DCDC1: variants seen among roughly 807,000 people sequenced by gnomAD.
DCDC1 encodes doublecortin domain containing 1, also known as doublecortin domain-containing protein 1.
In DCDC1, 200 loss-of-function variants were observed where a neutral mutation model predicts 178.3. The ratio of observed to expected loss-of-function variants is 1.12; its 90% confidence interval spans 1.00 to 1.26. The LOEUF (loss-of-function observed/expected upper bound fraction) is 1.26, where lower values mean the gene tolerates loss of function less well. Among genes scored for constraint, DCDC1 ranks in the 50% most tolerant of loss-of-function variants. The pLI is 0.00. For missense variants in DCDC1, 1,983 were observed against 1,749.2 expected (o/e 1.13, Z -2.38); for synonymous variants, 690 against 604.8 (o/e 1.14, Z -2.07).
intron 9 of DCDC1, among the ~76,000 whole-genome samples, chr11:31,173,769 C>CACAT (rs1555100753): frequency 0.3 from 45,465 of 151,522 alleles, 8,230 homozygotes; most frequent in East Asian, 0.63. Context: ...AACACACACA[C>CACAT]ACCCCCACAT....
intron 15 of DCDC1, among the ~76,000 whole-genome samples, chr11:31,097,868 T>C (rs1484058410): frequency 4.6e-5 from 7 of 152,222 alleles, no homozygotes; most frequent in African/African-American, 1.7e-4. Context: ...TTTCCCAGCC[T>C]CCTTTATGAC....
chr11:31,252,934 G>C (rs1413482864), intron 8 of DCDC1, among the ~76,000 whole-genome samples: 1 of 151,986 alleles, frequency 6.6e-6, no homozygotes, highest in African/African-American at 2.4e-5. Context: ...GATCACCAAA[G>C]GCCCTTCTGA....
At chr11:31,008,435 G>A (rs1418315776) in intron 20 of DCDC1, among the ~76,000 whole-genome samples, 2 of 152,108 alleles carry the variant, frequency 1.3e-5, no homozygotes, top group African/African-American at 4.8e-5. Context: ...GGAAAAGAGG[G>A]ATGGAGCAAG....
At chr11:31,194,203 G>C (rs1041253527) in intron 9 of DCDC1, among the ~76,000 whole-genome samples, 5 of 152,050 alleles carry the variant, frequency 3.3e-5, no homozygotes, top group African/African-American at 4.8e-5. Flanking sequence ...CTGATTCAGT[G>C]TTTAATGTCG....
intron 9 of DCDC1, among the ~76,000 whole-genome samples, chr11:31,220,001 T>C (rs891517414): frequency 6.6e-6 from 1 of 152,122 alleles, no homozygotes; most frequent in African/African-American, 2.4e-5. Context: ...CAGTACAGGA[T>C]ACTGGATTGG....
intron 9 of DCDC1, among the ~76,000 whole-genome samples, chr11:31,233,100 AAG>A (rs1178630798): frequency 6.6e-6 from 1 of 151,976 alleles, no homozygotes; most frequent in Non-Finnish European, 1.5e-5. Flanking sequence ...AAAAAAAAAA[AAG>A]AGTCTTATAT....
intron 1 of DCDC1, among the ~76,000 whole-genome samples, chr11:31,341,424 T>TAGATAGATAGATAGATAGAC (rs1555184029): frequency 1.1e-3 from 158 of 150,444 alleles, no homozygotes; most frequent in African/African-American, 2.8e-3. Flanking sequence ...GATAGATAGA[T>TAGATAGATAGATAGATAGAC]AGATAGATAG....
intron 36 of DCDC1, among the ~76,000 whole-genome samples, chr11:30,890,686 C>T (rs1201754679): frequency 6.6e-6 from 1 of 152,152 alleles, no homozygotes; most frequent in African/African-American, 2.4e-5. Flanking sequence ...AAATGTCTCC[C>T]ATAATATGGC....
In DCDC1 at chr11:31,262,986, G is replaced by A. The variant is rs1944893773; in HGVS notation, c.1054+2521C>T. The A allele has an allele frequency of 1.9e-6, 3 of 1,548,252 alleles. No individual in the cohort carries two copies. The South Asian group carries it at 3.5e-5, about 18-fold the overall frequency. On this transcript the variant is annotated intron_variant, in intron 8 of 38. Transcript: ENST00000684477. ...AGGCATGCATTAAAATGTGATAATA[G>A]CACACTTCTGGGATACGTGAAGCAC...
At chr11:31,195,264 T>C (rs527548025) in intron 9 of DCDC1, among the ~76,000 whole-genome samples, 12 of 152,232 alleles carry the variant, frequency 7.9e-5, no homozygotes, top group African/African-American at 2.6e-4. Context: ...TCCTGGTTCT[T>C]CCACTAACGA....
chr11:31,029,806 A>G (rs1344532780), intron 20 of DCDC1, among the ~76,000 whole-genome samples: 1 of 152,110 alleles, frequency 6.6e-6, no homozygotes, highest in South Asian at 2.1e-4. Flanking sequence ...TGTCTTATAT[A>G]TTTTAAAAGA....
chr11:31,081,453 C>G (rs1565258150), intron 17 of DCDC1, among the ~76,000 whole-genome samples: 2 of 151,718 alleles, frequency 1.3e-5, no homozygotes, highest in African/African-American at 4.8e-5. Flanking sequence ...ACTAAAAATA[C>G]AAAAAAATTA....
At chr11:31,049,693 G>A (rs1250699286) in intron 20 of DCDC1, among the ~76,000 whole-genome samples, 2 of 152,204 alleles carry the variant, frequency 1.3e-5, no homozygotes, top group African/African-American at 4.8e-5. Context: ...CCTCAACTGC[G>A]AAAGTGGGAA....
At chr11:31,056,766 C>G (rs1288257368) in intron 20 of DCDC1, among the ~76,000 whole-genome samples, 2 of 152,048 alleles carry the variant, frequency 1.3e-5, no homozygotes, top group African/African-American at 2.4e-5. Context: ...ACATAACAAG[C>G]AGACAAAGTA....
intron 36 of DCDC1, among the ~76,000 whole-genome samples, chr11:30,888,132 AAG>A (rs1191086388): frequency 3.5e-5 from 5 of 143,616 alleles, no homozygotes; most frequent in Admixed American, 3.0e-4. Flanking sequence ...GAAAGAAAGA[AAG>A]AAAGAAAGAA....
intron 20 of DCDC1, among the ~76,000 whole-genome samples, chr11:31,061,321 C>T (rs1955905667): frequency 6.6e-6 from 1 of 152,110 alleles, no homozygotes; most frequent in African/African-American, 2.4e-5. Context: ...ACATTCCAGA[C>T]ACTTAATGCC....
intron 9 of DCDC1, among the ~76,000 whole-genome samples, chr11:31,183,988 A>G (rs1224612524): frequency 6.6e-6 from 1 of 152,202 alleles, no homozygotes; most frequent in African/African-American, 2.4e-5. Flanking sequence ...AGACAATCCT[A>G]AGCAAAAAGA....
chr11:31,119,310 ATTT>A lies in DCDC1; in HGVS notation c.1485+8156_1485+8158del, dbSNP rs1379842101. ...AATCACAATAACCTTGAATATTCCA[ATTT>A]TGCTACTCTCACCACAATTCCTTTT... On this transcript the variant is annotated intron_variant, in intron 11 of 38. Coordinates refer to ENST00000684477, the MANE Select transcript of DCDC1 (RefSeq NM_001387274.1). Among the ~76,000 whole-genome samples, 3 of 152,174 alleles carry A rather than the reference ATTT, an allele frequency of 2.0e-5. No homozygotes were observed. In the South Asian group the frequency reaches 6.2e-4, roughly 31 times the overall value.
intron 8 of DCDC1, among the ~76,000 whole-genome samples, chr11:31,257,041 T>C (rs1361001143): frequency 6.6e-6 from 1 of 152,212 alleles, no homozygotes; most frequent in African/African-American, 2.4e-5. Context: ...TTTTAGGTGT[T>C]GCAAGGTGGA....
Sources: gnomAD v4.1 joint callset for allele counts (sites outside exome capture counted in the v4.1 genomes callset) on GRCh38, gnomAD v4.1.1 for gene constraint, MANE v1.5 for transcripts, NCBI Gene and HGNC (gene_info 2026-07-23, HGNC 2026-07-21) for gene names.